SEMA3C: variants seen among roughly 807,000 people sequenced by gnomAD.
The protein encoded by SEMA3C is semaphorin-3C.
A neutral mutation model predicts 89.4 loss-of-function variants in SEMA3C; 47 were observed. The ratio of observed to expected loss-of-function variants is 0.53; its 90% confidence interval spans 0.42 to 0.67. The LOEUF (loss-of-function observed/expected upper bound fraction) is 0.67. Ranked by LOEUF, SEMA3C falls within the 30% of genes least tolerant of loss-of-function variation. The pLI, the probability that SEMA3C is intolerant of heterozygous loss-of-function variation, is 0.00. For missense variants in SEMA3C, 839 were observed against 929.1 expected (o/e 0.90, Z 1.26); for synonymous variants, 310 against 320.2 (o/e 0.97, Z 0.34).
intron 6 of SEMA3C, among the ~76,000 whole-genome samples, chr7:80,806,295 T>C (rs568000262): frequency 6.6e-6 from 1 of 152,128 alleles, no homozygotes; most frequent in South Asian, 2.1e-4. Flanking sequence ...TAACACATAT[T>C]AAAATTTCTA....
intron 17 of SEMA3C, among the ~76,000 whole-genome samples, chr7:80,746,357 A>G (rs1187561684): frequency 6.6e-6 from 1 of 152,132 alleles, no homozygotes; most frequent in Non-Finnish European, 1.5e-5. Flanking sequence ...GAAGAAAACA[A>G]AATTTTGACA....
At position 80,886,435 on chromosome 7, in the gene SEMA3C, C is replaced by A. The variant is rs1405772451; in HGVS notation, c.103+30244G>T. On this transcript the variant is annotated intron_variant, in intron 2 of 17. Transcript: ENST00000265361. ...GTGGTGTGATCTCAGCTCACTGCAA[C>A]CTCCGCCTCCTGGGTTCAAGTGACT... is the stretch of plus-strand genomic sequence containing the variant. Among the ~76,000 whole-genome samples the A allele has an allele frequency of 1.3e-5, 2 of 151,314 alleles. 1 individual carries two copies. Among genetic ancestry groups the A allele is most frequent in the Admixed American group, 1.3e-4 (2 of 15,146 alleles).
In SEMA3C at chr7:80,918,880, G is replaced by C; in HGVS notation, c.-91C>G. 1.0e-6 allele frequency: 1 copy of C among 985,462 alleles called. No individual in the cohort carries two copies. The highest frequency in any genetic ancestry group is 4.7e-5 in the South Asian group (1 of 21,290). 61.0% of individuals were successfully genotyped at this position (985,462 alleles called of 1,614,324 possible). On this transcript the variant is annotated 5_prime_UTR_variant, in exon 1 of 18. It adds an upstream start codon to the 5' untranslated region. Transcript: ENST00000265361. ...AGTCATCAGTTTGCTACCGGGGTTG[G>C]ATGCGCTTGTGTCTCCAGTCCTTTT...
chr7:80,861,070 C>T (rs1288959765), intron 2 of SEMA3C, among the ~76,000 whole-genome samples: 1 of 151,978 alleles, frequency 6.6e-6, no homozygotes, highest in African/African-American at 2.4e-5. Flanking sequence ...TGAGAACATA[C>T]CAATATGAAC....
intron 7 of SEMA3C, 51 bp from the exon 8 acceptor site, chr7:80,804,299 T>C (rs1297715578): frequency 1.7e-5 from 24 of 1,372,726 alleles, no homozygotes; most frequent in Non-Finnish European, 2.2e-5. Context: ...AAAATCCATC[T>C]TCTGTCATCC....
At chr7:80,864,169 A>G (rs930874952) in intron 2 of SEMA3C, among the ~76,000 whole-genome samples, 5 of 152,056 alleles carry the variant, frequency 3.3e-5, no homozygotes, top group Non-Finnish European at 7.4e-5. Flanking sequence ...GTATGCTGTT[A>G]GTGATATGTG....
rs546934986 is a variant in SEMA3C at position 80,835,225 on chromosome 7, T to C, written c.104-6480A>G. Reference sequence around the variant, plus strand: ...TATTAATTTGTTCAATATACATTTATTGAGCCCTTATCCCAGCAGGCTAGA... The same window carrying C: ...TATTAATTTGTTCAATATACATTTACTGAGCCCTTATCCCAGCAGGCTAGA... On this transcript the variant is annotated intron_variant, in intron 2 of 17. Coordinates refer to ENST00000265361, the MANE Select transcript of SEMA3C (RefSeq NM_006379.5). 9.8e-5 allele frequency among the ~76,000 whole-genome samples: 15 copies of C among 152,290 alleles called. No individual in the cohort carries two copies. In the South Asian group the frequency reaches 3.1e-3, roughly 32 times the overall value.
chr7:80,859,676 C>T (rs1790725301), intron 2 of SEMA3C, among the ~76,000 whole-genome samples: 1 of 152,200 alleles, frequency 6.6e-6, no homozygotes, highest in Non-Finnish European at 1.5e-5. Flanking sequence ...CATTTTCAAA[C>T]TTAGCACCCT....
At chr7:80,871,949 C>G (rs1287720206) in intron 2 of SEMA3C, among the ~76,000 whole-genome samples, 1 of 151,586 alleles carries the variant, frequency 6.6e-6, no homozygotes, top group Non-Finnish European at 1.5e-5. Flanking sequence ...TAAAAATTTC[C>G]TTTTTCACTA....
intron 12 of SEMA3C, among the ~76,000 whole-genome samples, chr7:80,772,359 T>G (rs990481688): frequency 9.2e-5 from 14 of 152,214 alleles, no homozygotes. Flanking sequence ...TTTTAAAAGG[T>G]AGCATTCTGT....
intron 2 of SEMA3C, among the ~76,000 whole-genome samples, chr7:80,844,130 T>A (rs955756048): frequency 5.3e-5 from 8 of 152,160 alleles, no homozygotes; most frequent in African/African-American, 1.9e-4. Flanking sequence ...GAGAATATGC[T>A]CAGCTGAGGC....
At chr7:80,759,333 C>G (rs1788134655) in intron 14 of SEMA3C, among the ~76,000 whole-genome samples, 1 of 152,078 alleles carries the variant, frequency 6.6e-6, no homozygotes. Context: ...GTGTACTCCT[C>G]CATGTACAGA....
At chr7:80,910,414 T>A (rs968118434) in intron 2 of SEMA3C, among the ~76,000 whole-genome samples, 5 of 152,172 alleles carry the variant, frequency 3.3e-5, no homozygotes, top group Admixed American at 3.3e-4. Context: ...CTCAGCAAAT[T>A]GTTTCATGGC....
chr7:80,834,655 G>A (rs577513312), intron 2 of SEMA3C, among the ~76,000 whole-genome samples: 4 of 152,094 alleles, frequency 2.6e-5, no homozygotes, highest in Non-Finnish European at 5.9e-5. Context: ...TCAAAAATGT[G>A]AACTTGATAA....
intron 12 of SEMA3C, among the ~76,000 whole-genome samples, chr7:80,786,075 C>T (rs1342635043): frequency 1.3e-5 from 2 of 152,212 alleles, no homozygotes; most frequent in African/African-American, 4.8e-5. Context: ...ACAGCACACA[C>T]TTTCCTATTA....
intron 15 of SEMA3C, among the ~76,000 whole-genome samples, chr7:80,754,229 G>A (rs1449797464): frequency 2.0e-5 from 3 of 152,002 alleles, no homozygotes; most frequent in African/African-American, 7.2e-5. Flanking sequence ...GGGCCACTGC[G>A]CCCGGCATGT....
chr7:80,882,038 G>C (rs1791355285), intron 2 of SEMA3C, among the ~76,000 whole-genome samples: 1 of 152,250 alleles, frequency 6.6e-6, no homozygotes, highest in African/African-American at 2.4e-5. Context: ...GCATATAGAA[G>C]TATTTGCGCA....
intron 11 of SEMA3C, 123 bp from the exon 12 acceptor site, chr7:80,789,651 T>C: frequency 1.5e-6 from 1 of 653,218 alleles, no homozygotes; most frequent in Non-Finnish European, 2.7e-6. Context: ...ATCTGCTACC[T>C]ATGGAAGTGA....
rs188304731 is a variant in SEMA3C, at chr7:80,742,846, C to T, written c.*2048G>A. 1 of 152,024 alleles carries T rather than the reference C, an allele frequency of 6.6e-6. No homozygotes were observed. Among genetic ancestry groups the T allele is most frequent in the African/African-American group, 2.4e-5 (1 of 41,520 alleles). 9.4% of individuals were successfully genotyped at this position (152,024 alleles called of 1,614,324 possible). ...ATTTTTGAAAAAAAATTTTCTTTTA[C>T]ATTCAGCAGAGTTATGTTCATGAAG... On this transcript the variant is annotated 3_prime_UTR_variant, in exon 18 of 18. Coordinates refer to ENST00000265361, the MANE Select transcript of SEMA3C (RefSeq NM_006379.5).
Sources: allele counts gnomAD v4.1 joint callset (sites outside exome capture counted in the v4.1 genomes callset), GRCh38; gene constraint gnomAD v4.1.1; transcripts MANE v1.5; gene names NCBI Gene and HGNC (gene_info 2026-07-23, HGNC 2026-07-21).